MEGF11: variants seen among roughly 807,000 people sequenced by gnomAD.
MEGF11 encodes multiple EGF like domains 11.
In MEGF11, 126 loss-of-function variants were observed where a neutral mutation model predicts 146.6. The ratio of observed to expected loss-of-function variants is 0.86; its 90% confidence interval spans 0.74 to 1.00. The LOEUF (loss-of-function observed/expected upper bound fraction) is 1.00. Among genes scored for constraint, MEGF11 ranks in the 50% least tolerant of loss-of-function variants. The pLI, the probability that MEGF11 is intolerant of heterozygous loss-of-function variation, is 0.00. For missense variants in MEGF11, 1,509 were observed against 1,521.2 expected (o/e 0.99, Z 0.13); for synonymous variants, 532 against 583.4 (o/e 0.91, Z 1.27).
At chr15:66,123,164 C>T (rs1002573018) in intron 3 of MEGF11, among the ~76,000 whole-genome samples, 2 of 152,208 alleles carry the variant, frequency 1.3e-5, no homozygotes, top group African/African-American at 4.8e-5. Context: ...CATGTTGTTT[C>T]TTCCTTCCTC....
intron 13 of MEGF11, among the ~76,000 whole-genome samples, chr15:65,924,396 C>T (rs1336487066): frequency 6.6e-6 from 1 of 151,018 alleles, no homozygotes; most frequent in Non-Finnish European, 1.5e-5. Flanking sequence ...AAGTGGTTTC[C>T]TCCCCAGGGA....
chr15:65,992,081 G>A (rs1205424450), intron 5 of MEGF11, among the ~76,000 whole-genome samples: 5 of 152,316 alleles, frequency 3.3e-5, no homozygotes, highest in African/African-American at 9.6e-5. Context: ...GCAGTGTCTC[G>A]GGCAGCAGGG....
rs575508982 is a variant in MEGF11, at chr15:66,211,393, A to G, written c.-9+42212T>C. Among the ~76,000 whole-genome samples, 500 of 152,160 alleles carry G rather than the reference A, an allele frequency of 3.3e-3. 1 individual carries two copies. The highest frequency in any genetic ancestry group is 0.025 in the East Asian group (127 of 5,128). ...AAAAAAATTAGCCGAGCATGGTGGC[A>G]GGCACCTGTAGTCCCAGCTACTCAG... On this transcript the variant is annotated intron_variant, in intron 1 of 25. Transcript: ENST00000395614.
intron 1 of MEGF11, among the ~76,000 whole-genome samples, chr15:66,150,049 TTGAC>T (rs1299585683): frequency 1.4e-5 from 2 of 141,880 alleles, no homozygotes; most frequent in African/African-American, 2.5e-5. Flanking sequence ...ATTTCACTCT[TTGAC>T]TGAGTCAGAG....
intron 19 of MEGF11, 145 bp downstream of exon 19, chr15:65,915,325 C>T: frequency 1.8e-6 from 2 of 1,112,556 alleles, no homozygotes; most frequent in Non-Finnish European, 2.5e-6. Context: ...CACTTGGAGC[C>T]TCTGCAGCCC....
intron 1 of MEGF11, among the ~76,000 whole-genome samples, chr15:66,147,471 G>T (rs1400457814): frequency 2.0e-5 from 3 of 152,214 alleles, no homozygotes; most frequent in Non-Finnish European, 1.5e-5. Context: ...CTGTGGTTTG[G>T]TCTCCTCCCT....
intron 4 of MEGF11, among the ~76,000 whole-genome samples, chr15:66,097,286 G>A (rs2086595515): frequency 6.6e-6 from 1 of 152,160 alleles, no homozygotes; most frequent in African/African-American, 2.4e-5. Flanking sequence ...GTGCTGCGGG[G>A]AGAGTCTCCT....
At chr15:66,220,808 G>T (rs1056706000) in intron 1 of MEGF11, among the ~76,000 whole-genome samples, 1 of 152,088 alleles carries the variant, frequency 6.6e-6, no homozygotes, top group African/African-American at 2.4e-5. Flanking sequence ...AACTGCTAGG[G>T]TTACAGGCAT....
intron 1 of MEGF11, among the ~76,000 whole-genome samples, chr15:66,150,302 C>G (rs2089515236): frequency 6.6e-6 from 1 of 152,200 alleles, no homozygotes; most frequent in South Asian, 2.1e-4. Flanking sequence ...ATCAATAACA[C>G]AATTAACAAA....
At chr15:66,176,019 T>C (rs1005880877) in intron 1 of MEGF11, among the ~76,000 whole-genome samples, 6 of 152,126 alleles carry the variant, frequency 3.9e-5, no homozygotes, top group African/African-American at 1.2e-4. Flanking sequence ...TGAACAGACA[T>C]TTCTCTAAAG....
At position 65,982,927 on chromosome 15, in the gene MEGF11, CTCT is replaced by C. The variant is rs2081710896; in HGVS notation, c.395-442_395-440del. On this transcript the variant is annotated intron_variant, in intron 5 of 25. Coordinates refer to ENST00000395614, the MANE Select transcript of MEGF11 (RefSeq NM_001385028.1). The surrounding 1 kb of genome is among the most constrained non-coding windows in gnomAD (Gnocchi z 5.6). ...CCCTCTCCTCTGTGACCCTACCCCTCTCTTCTTGGGACCTGCGGGACCCAGCCC... is the reference window on the plus strand; with the variant it reads ...CCCTCTCCTCTGTGACCCTACCCCTCTCTTGGGACCTGCGGGACCCAGCCC... Among the ~76,000 whole-genome samples the C allele has an allele frequency of 8.9e-6, 1 of 111,916 alleles. No homozygotes were observed. 73.4% of individuals were successfully genotyped at this position (111,916 alleles called of 152,430 possible).
intron 10 of MEGF11, among the ~76,000 whole-genome samples, chr15:65,934,085 A>AG (rs2079678137): frequency 1.3e-5 from 2 of 152,084 alleles, no homozygotes; most frequent in African/African-American, 4.8e-5. Context: ...CACACACTAC[A>AG]GGTATGGTCT....
intron 1 of MEGF11, among the ~76,000 whole-genome samples, chr15:66,149,619 T>C (rs2089491862): frequency 6.6e-6 from 1 of 152,122 alleles, no homozygotes; most frequent in Non-Finnish European, 1.5e-5. Flanking sequence ...TCACGCAGAA[T>C]ACAACCCACT....
At chr15:66,016,736 T>C (rs1754660089) in intron 5 of MEGF11, among the ~76,000 whole-genome samples, 1 of 152,172 alleles carries the variant, frequency 6.6e-6, no homozygotes, top group South Asian at 2.1e-4. Context: ...GTATTTGAGG[T>C]TTACTTTTAT....
At chr15:66,104,384 A>G (rs2086968738) in intron 4 of MEGF11, among the ~76,000 whole-genome samples, 1 of 152,224 alleles carries the variant, frequency 6.6e-6, no homozygotes, top group Non-Finnish European at 1.5e-5. Context: ...GGGAAAGCTT[A>G]GGAACCTCTT....
intron 5 of MEGF11, among the ~76,000 whole-genome samples, chr15:66,080,937 G>A (rs567913587): frequency 5.3e-5 from 8 of 152,330 alleles, no homozygotes; most frequent in African/African-American, 1.4e-4. Context: ...AACAGTGAGT[G>A]TAATTGCTTT....
At chr15:65,955,116 A>G (rs2080534807) in intron 10 of MEGF11, among the ~76,000 whole-genome samples, 1 of 152,194 alleles carries the variant, frequency 6.6e-6, no homozygotes, top group Admixed American at 6.5e-5. Context: ...TCCTACAGCT[A>G]TGCTAGAAGC....
chr15:66,033,376 C>T (rs889783732), intron 5 of MEGF11, among the ~76,000 whole-genome samples: 4 of 152,228 alleles, frequency 2.6e-5, no homozygotes, highest in African/African-American at 7.2e-5. Flanking sequence ...GCTCCATGCC[C>T]AGAGCCAACT....
intron 5 of MEGF11, among the ~76,000 whole-genome samples, chr15:66,034,060 G>T (rs2083633613): frequency 1.3e-5 from 2 of 152,218 alleles, no homozygotes; most frequent in South Asian, 2.1e-4. Flanking sequence ...AAAGTGCTGG[G>T]ATTACAGGCA....
Sources: allele counts gnomAD v4.1 joint callset (sites outside exome capture counted in the v4.1 genomes callset), GRCh38; gene constraint gnomAD v4.1.1; non-coding constraint Gnocchi (gnomAD v3.1); transcripts MANE v1.5; gene names NCBI Gene and HGNC (gene_info 2026-07-23, HGNC 2026-07-21).